Variants in GPRC5D observed in about 807,000 individuals in gnomAD.
The protein encoded by GPRC5D is G protein-coupled receptor class C group 5 member D, also known as G protein-coupled receptor family C group 5 member D.
A neutral mutation model predicts 29.3 loss-of-function variants in GPRC5D; 20 were observed. The ratio of observed to expected loss-of-function variants is 0.68; its 90% CI spans 0.48 to 0.99. The LOEUF (loss-of-function observed/expected upper bound fraction) is 0.99, where lower values mean the gene tolerates loss of function less well. Among genes scored for constraint, GPRC5D ranks in the 50% least tolerant of loss-of-function variants. The pLI, the probability that GPRC5D is intolerant of heterozygous loss-of-function variation, is 0.00. For missense variants in GPRC5D, 384 were observed against 423.6 expected, an observed-to-expected ratio of 0.91 and a Z score of 0.82; for synonymous variants, 178 against 171.3, an observed-to-expected ratio of 1.04 and a Z score of -0.30.
chr12:12,944,612 C>T (rs747264430), intron 1 of GPRC5D: 2 of 152,050 alleles, frequency 1.3e-5, no homozygotes, highest in Non-Finnish European at 2.9e-5. Context: ...TCGTTTTATA[C>T]TCGTTGATCC....
chr12:12,944,339 G>A (rs1863221471), intron 1 of GPRC5D: 1 of 152,088 alleles, frequency 6.6e-6, no homozygotes, highest in Non-Finnish European at 1.5e-5. Context: ...TCCTGCCTAT[G>A]ACCCCACTGT....
rs1331949968 is a variant in GPRC5D at position 12,949,582 on chromosome 12, G to T, written c.803C>A (p.Ser268Ter). 3.7e-6 allele frequency: 6 copies of T among 1,613,360 alleles called. No individual in the cohort carries two copies. In the East Asian group the frequency reaches 1.3e-4, roughly 36 times the overall value. The change falls in exon 1 of 3, where the codon TCG becomes TAG. Residue 268 changes from serine to a stop codon, truncating the protein, a stop_gained. Transcript: ENST00000228887. LOFTEE classifies it high-confidence loss of function. ...TTGTAAAGGGCACTCCTGTCTACAC[G>T]ATCTGTAGAGAATGCAGAGCTCAGG... is the stretch of plus-strand genomic sequence containing the variant.
intron 1 of GPRC5D, chr12:12,944,316 C>G (rs1349868244): frequency 6.6e-6 from 1 of 152,124 alleles, no homozygotes; most frequent in African/African-American, 2.4e-5. Context: ...TATCTGTCCT[C>G]AGACCAAACA....
chr12:12,949,582 G>A lies in GPRC5D; in HGVS notation c.803C>T (p.Ser268Leu), dbSNP rs1331949968. 1.9e-6 allele frequency: 3 copies of A among 1,613,360 alleles called. No homozygotes were observed. The highest frequency in any genetic ancestry group is 2.5e-6 in the Non-Finnish European group (3 of 1,179,280). ...TTGTAAAGGGCACTCCTGTCTACAC[G>A]ATCTGTAGAGAATGCAGAGCTCAGG... is the stretch of plus-strand genomic sequence containing the variant. The change falls in exon 1 of 3, where the codon TCG becomes TTG. Residue 268 changes from serine (S) to leucine (L), a missense_variant. By Grantham distance (145) the Ser-to-Leu change is moderately radical. Transcript: ENST00000228887.
chr12:12,949,486 G>A lies in GPRC5D; in HGVS notation c.895+4C>T. On this transcript the variant is annotated splice_donor_region_variant and intron_variant, in intron 1 of 2. Transcript: ENST00000228887. Reference sequence around the variant, plus strand: ...CCTGCTCCCTGAATCCCCCAGGAATGTACCTCTGGAGAGCTCCTGGTTCTC... The same window carrying A: ...CCTGCTCCCTGAATCCCCCAGGAATATACCTCTGGAGAGCTCCTGGTTCTC... 1.2e-6 allele frequency: 2 copies of A among 1,607,646 alleles called. No homozygotes were observed. The highest frequency in any genetic ancestry group is 2.2e-5 in the East Asian group (1 of 44,780).
At chr12:12,946,700 C>G (rs1863357865) in intron 1 of GPRC5D, among the ~76,000 whole-genome samples, 1 of 152,066 alleles carries the variant, frequency 6.6e-6, no homozygotes, top group Non-Finnish European at 1.5e-5. Context: ...GGTGATCTGC[C>G]TGCCTTGGCC....
chr12:12,950,081 G>C, exon 1 of GPRC5D: 2 of 1,614,004 alleles, frequency 1.2e-6, no homozygotes, highest in South Asian at 2.2e-5. Flanking sequence ...GAGAAACAGA[G>C]AGCAAAGAGA....
intron 1 of GPRC5D, among the ~76,000 whole-genome samples, chr12:12,946,533 C>T (rs544021432): frequency 1.3e-5 from 2 of 151,674 alleles, no homozygotes; most frequent in Non-Finnish European, 2.9e-5. Context: ...CGGCTCACTG[C>T]AACCTCTGCC....
intron 1 of GPRC5D, 82 bp from the exon 3 acceptor site, chr12:12,942,410 A>G: frequency 2.3e-6 from 2 of 862,744 alleles, no homozygotes; most frequent in South Asian, 2.8e-5. Flanking sequence ...GGAAAACTCC[A>G]TGGCTTGCAA....
At chr12:12,951,129 A>G (rs1216607424), upstream of GPRC5D, among the ~76,000 whole-genome samples, 1 of 152,184 alleles carries the variant, frequency 6.6e-6, no homozygotes, top group Admixed American at 6.5e-5. Context: ...ACCGAAAAAC[A>G]AAAAACACAC....
At chr12:12,942,618 C>T (rs762742457) in intron 1 of GPRC5D, among the ~76,000 whole-genome samples, 6 of 152,070 alleles carry the variant, frequency 3.9e-5, no homozygotes, top group Non-Finnish European at 8.8e-5. Flanking sequence ...ACCTGTAATC[C>T]CAGCTACTTG....
At chr12:12,940,620 T>G (rs1863116909), downstream of GPRC5D, among the ~76,000 whole-genome samples, 2 of 152,152 alleles carry the variant, frequency 1.3e-5, no homozygotes. Context: ...GGTGGTCTTC[T>G]GGTGGAGGGT....
intron 1 of GPRC5D, among the ~76,000 whole-genome samples, chr12:12,945,361 C>G (rs1485270172): frequency 1.3e-5 from 2 of 152,084 alleles, no homozygotes; most frequent in Non-Finnish European, 2.9e-5. Context: ...AACAATATTC[C>G]TGTTAGTCTA....
chr12:12,941,664 A>G (rs967518784), intron 2 of GPRC5D, among the ~76,000 whole-genome samples: 4 of 152,170 alleles, frequency 2.6e-5, no homozygotes, highest in Admixed American at 6.5e-5. Flanking sequence ...TTAGATTTGT[A>G]TGTCTTCAAG....
At chr12:12,951,502 C>G (rs970212201), upstream of GPRC5D, among the ~76,000 whole-genome samples, 2 of 152,166 alleles carry the variant, frequency 1.3e-5, no homozygotes, top group Non-Finnish European at 2.9e-5. Context: ...CAACCTAAAC[C>G]CTTCAAAACT....
chr12:12,943,261 C>G lies in GPRC5D; in HGVS notation c.896-933G>C, dbSNP rs557410530. ...CTGTGCCTGTCTCTAAGAGCAGGTACTTGCTGGATACCTAGTTGTTTTTTG... is the reference window on the plus strand; with the variant it reads ...CTGTGCCTGTCTCTAAGAGCAGGTAGTTGCTGGATACCTAGTTGTTTTTTG... On this transcript the variant is annotated intron_variant, in intron 1 of 2. Coordinates refer to ENST00000228887, the Ensembl canonical transcript of GPRC5D. Among the ~76,000 whole-genome samples, 18 of 152,290 alleles carry G rather than the reference C, an allele frequency of 1.2e-4. No homozygotes were observed. The South Asian group carries it at 1.2e-3, about 11-fold the overall frequency.
upstream of GPRC5D, among the ~76,000 whole-genome samples, chr12:12,951,356 A>T (rs1863491688): frequency 6.6e-6 from 1 of 152,342 alleles, no homozygotes; most frequent in East Asian, 1.9e-4. Context: ...ACTTATCTAA[A>T]TGCTAAGCTT....
chr12:12,948,858 T>A (rs1286704991), intron 1 of GPRC5D, among the ~76,000 whole-genome samples: 1 of 152,226 alleles, frequency 6.6e-6, no homozygotes, highest in Admixed American at 6.5e-5. Flanking sequence ...CTCCTAATGA[T>A]CACACATCTG....
intron 1 of GPRC5D, among the ~76,000 whole-genome samples, chr12:12,947,865 A>G (rs1262815050): frequency 1.3e-5 from 2 of 152,168 alleles, no homozygotes; most frequent in Non-Finnish European, 2.9e-5. Flanking sequence ...GCCAATCTGT[A>G]TGTTCTTTAC....
Sources: allele counts gnomAD v4.1 joint callset (sites outside exome capture counted in the v4.1 genomes callset), GRCh38; gene constraint gnomAD v4.1.1; transcripts MANE v1.5; gene names NCBI Gene and HGNC (gene_info 2026-07-23, HGNC 2026-07-21).